EPHA6: variants seen among roughly 807,000 people sequenced by gnomAD.
EPHA6 encodes the protein EPH receptor A6, also known as ephrin type-A receptor 6.
EPHA6 carries 50 observed loss-of-function variants against 112.0 expected under a neutral mutation model. The ratio of observed to expected loss-of-function variants is 0.45; its 90% confidence interval spans 0.36 to 0.56. The LOEUF is 0.56. Among genes scored for constraint, EPHA6 ranks in the 20% least tolerant of loss-of-function variants. The pLI, the probability that EPHA6 is intolerant of heterozygous loss-of-function variation, is 0.00. For synonymous variants in EPHA6, 529 were observed against 490.7 expected, an observed-to-expected ratio of 1.08 and a Z score of -1.03; for missense variants, 1,280 against 1,417.4, an observed-to-expected ratio of 0.90 and a Z score of 1.56.
At chr3:97,548,910 C>T (rs532439432) in intron 11 of EPHA6, among the ~76,000 whole-genome samples, 22 of 152,234 alleles carry the variant, frequency 1.4e-4, no homozygotes, top group East Asian at 1.9e-4. Context: ...GTGAAGCCAT[C>T]GGATTATAAT....
chr3:97,652,776 T>C (rs1438438823), intron 14 of EPHA6, among the ~76,000 whole-genome samples: 2 of 152,026 alleles, frequency 1.3e-5, no homozygotes, highest in African/African-American at 4.8e-5. Context: ...ATGAAATTGC[T>C]GAATTTCTGC....
chr3:97,271,288 C>T (rs2079870599), intron 5 of EPHA6, among the ~76,000 whole-genome samples: 1 of 152,220 alleles, frequency 6.6e-6, no homozygotes, highest in African/African-American at 2.4e-5. Context: ...TCCATGAGTT[C>T]TCTCCTCACT....
intron 9 of EPHA6, chr3:97,481,431 A>T: frequency 1.4e-6 from 2 of 1,402,716 alleles, no homozygotes; most frequent in Non-Finnish European, 2.0e-6. Flanking sequence ...TCTCCAAAAT[A>T]ATACAGGCTT....
At chr3:97,172,973 C>G (rs2076739795) in intron 3 of EPHA6, among the ~76,000 whole-genome samples, 1 of 151,880 alleles carries the variant, frequency 6.6e-6, no homozygotes, top group South Asian at 2.1e-4. Flanking sequence ...TCAGCAACAA[C>G]AAATTTATTT....
intron 14 of EPHA6, among the ~76,000 whole-genome samples, chr3:97,697,044 T>C (rs754320100): frequency 3.3e-5 from 5 of 152,186 alleles, no homozygotes; most frequent in Non-Finnish European, 7.3e-5. Context: ...TTTCCAGGCA[T>C]AGACTCAAAA....
intron 3 of EPHA6, among the ~76,000 whole-genome samples, chr3:97,044,781 A>C (rs191145125): frequency 6.6e-6 from 1 of 152,254 alleles, no homozygotes; most frequent in Admixed American, 6.5e-5. Context: ...TTCAAATAAT[A>C]ATTGAACTGT....
At chr3:97,744,235 G>C (rs1482399906) in intron 16 of EPHA6, among the ~76,000 whole-genome samples, 2 of 151,796 alleles carry the variant, frequency 1.3e-5, no homozygotes, top group East Asian at 3.9e-4. Flanking sequence ...GTGAGCTGCA[G>C]GTTTTGCTGT....
intron 3 of EPHA6, among the ~76,000 whole-genome samples, chr3:97,024,234 C>A (rs1276869699): frequency 6.6e-6 from 1 of 152,006 alleles, no homozygotes; most frequent in African/African-American, 2.4e-5. Context: ...GTAAATATTT[C>A]TCATATGTTT....
intron 3 of EPHA6, among the ~76,000 whole-genome samples, chr3:97,047,499 CAA>C (rs556388538): frequency 4.3e-5 from 2 of 46,468 alleles, no homozygotes; most frequent in Non-Finnish European, 4.8e-5. Flanking sequence ...GACTCTGTCT[CAA>C]AAAAAAAAAA....
At position 96,987,543 on chromosome 3, in the gene EPHA6, T is replaced by C. The variant is rs1228659302; in HGVS notation, c.664T>C (p.Phe222Leu). The stretch of plus-strand genomic sequence containing the variant: ...GACTTGCAAAGAAACATTTAATCTG[T>C]TTTATATGGAATCAGATGAGTCCCA... ...LGTCKETFNLFYMESDESHGI... is the reference protein window; with the variant it reads ...LGTCKETFNLLYMESDESHGI... Residue 222 changes from phenylalanine to leucine, a missense_variant, in exon 3 of 18, where the codon TTT (phenylalanine) becomes CTT (leucine). Phe to Leu is a conservative substitution (Grantham distance 22). Transcript: ENST00000389672. 6.2e-7 allele frequency: 1 copy of C among 1,613,818 alleles called. No individual in the cohort carries two copies. The highest frequency in any genetic ancestry group is 2.2e-5 in the East Asian group (1 of 44,870).
At chr3:97,139,279 C>T (rs2075838435) in intron 3 of EPHA6, among the ~76,000 whole-genome samples, 1 of 152,172 alleles carries the variant, frequency 6.6e-6, no homozygotes, top group African/African-American at 2.4e-5. Flanking sequence ...CTGCCTCTCT[C>T]CTACAAGCAC....
intron 10 of EPHA6, among the ~76,000 whole-genome samples, chr3:97,498,952 G>A (rs2092050970): frequency 6.6e-6 from 1 of 152,126 alleles, no homozygotes; most frequent in East Asian, 1.9e-4. Flanking sequence ...ACTGCACTTT[G>A]CAAAAGCAAT....
At chr3:97,541,727 G>GTTTTTTTTTTTTTTTTTTTTT (rs59024112) in intron 11 of EPHA6, among the ~76,000 whole-genome samples, 1 of 131,896 alleles carries the variant, frequency 7.6e-6, no homozygotes, top group African/African-American at 2.6e-5. Context: ...TCTTTTTTTT[G>GTTTTTTTTTTTTTTTTTTTTT]TTTTTTTTTT....
intron 7 of EPHA6, among the ~76,000 whole-genome samples, chr3:97,466,097 G>A (rs2091042710): frequency 6.6e-6 from 1 of 151,724 alleles, no homozygotes; most frequent in Non-Finnish European, 1.5e-5. Context: ...AAAATAAATT[G>A]GAATATCTCC....
At position 97,476,775 on chromosome 3, in the gene EPHA6, T is replaced by C. The variant is rs927839895; in HGVS notation, c.2003+1315T>C. The stretch of plus-strand genomic sequence containing the variant: ...AAGCAGCATGAATATTCTAATGTGG[T>C]TGAGTTAAAAATGATGACTTATTTG... On this transcript the variant is annotated intron_variant, in intron 8 of 17. Coordinates refer to ENST00000389672, the MANE Select transcript of EPHA6 (RefSeq NM_001080448.3). 4.6e-5 allele frequency among the ~76,000 whole-genome samples: 7 copies of C among 152,068 alleles called. No individual in the cohort carries two copies. The East Asian group carries it at 1.2e-3, about 25-fold the overall frequency.
At chr3:96,989,261 T>C (rs942160774) in intron 3 of EPHA6, among the ~76,000 whole-genome samples, 3 of 152,196 alleles carry the variant, frequency 2.0e-5, no homozygotes, top group Non-Finnish European at 4.4e-5. Flanking sequence ...CTTGACTCTT[T>C]AGAAGTTCGC....
At chr3:97,512,055 T>C (rs2092373690) in intron 10 of EPHA6, among the ~76,000 whole-genome samples, 1 of 152,200 alleles carries the variant, frequency 6.6e-6, no homozygotes, top group Non-Finnish European at 1.5e-5. Flanking sequence ...TTTTTTTAAG[T>C]ATGATGAATA....
chr3:97,307,233 A>G (rs980435185), intron 5 of EPHA6, among the ~76,000 whole-genome samples: 1 of 151,678 alleles, frequency 6.6e-6, no homozygotes, highest in Non-Finnish European at 1.5e-5. Context: ...TCTTCTAGAG[A>G]TAAGTCAATT....
intron 3 of EPHA6, among the ~76,000 whole-genome samples, chr3:97,077,792 A>T (rs1390918356): frequency 6.6e-6 from 1 of 151,960 alleles, no homozygotes; most frequent in African/African-American, 2.4e-5. Flanking sequence ...CCAGTCTATC[A>T]TTGTTGGACA....
Sources: allele counts gnomAD v4.1 joint callset (sites outside exome capture counted in the v4.1 genomes callset), GRCh38; gene constraint gnomAD v4.1.1; transcripts MANE v1.5; gene names NCBI Gene and HGNC (gene_info 2026-07-23, HGNC 2026-07-21).